Variants in CSMD3 observed in about 807,000 individuals in gnomAD.
CSMD3 encodes the protein CUB and sushi domain-containing protein 3.
Under a neutral mutation model 435.2 loss-of-function variants are expected in CSMD3, and 177 were observed. The ratio of observed to expected loss-of-function variants is 0.41; its 90% confidence interval spans 0.36 to 0.46. CSMD3 has a LOEUF of 0.46. Among genes scored for constraint, CSMD3 ranks in the 20% least tolerant of loss-of-function variants. The pLI is 0.34. For missense variants in CSMD3, 4,265 were observed against 4,504.6 expected (o/e 0.95, Z 1.52); for synonymous variants, 1,656 against 1,520.5 (o/e 1.09, Z -2.07).
chr8:113,105,318 C>T (rs1441433452), intron 4 of CSMD3, among the ~76,000 whole-genome samples: 4 of 151,900 alleles, frequency 2.6e-5, no homozygotes, highest in African/African-American at 7.3e-5. Context: ...AGATACATTC[C>T]GGACCATAGA....
intron 59 of CSMD3, among the ~76,000 whole-genome samples, chr8:112,268,779 T>C (rs147522737): frequency 6.6e-6 from 1 of 151,952 alleles, no homozygotes; most frequent in Non-Finnish European, 1.5e-5. Flanking sequence ...AGTTCTACTG[T>C]AGCAAAATGA....
intron 45 of CSMD3, among the ~76,000 whole-genome samples, chr8:112,324,952 C>T (rs190741516): frequency 7.9e-5 from 12 of 152,136 alleles, no homozygotes; most frequent in East Asian, 5.8e-4. Flanking sequence ...AAATGACTTA[C>T]GCATTAAATT....
At chr8:112,802,992 T>C (rs2078995117) in intron 12 of CSMD3, among the ~76,000 whole-genome samples, 1 of 152,138 alleles carries the variant, frequency 6.6e-6, no homozygotes, top group South Asian at 2.1e-4. Flanking sequence ...AAACAGCTAA[T>C]ATCTCTGTCA....
intron 13 of CSMD3, among the ~76,000 whole-genome samples, chr8:112,716,656 T>C (rs2076735705): frequency 6.6e-6 from 1 of 152,138 alleles, no homozygotes; most frequent in Non-Finnish European, 1.5e-5. Flanking sequence ...GGAGGTATCA[T>C]GCTACCTGGC....
chr8:113,319,874 C>T (rs2093937406), intron 1 of CSMD3, among the ~76,000 whole-genome samples: 1 of 151,972 alleles, frequency 6.6e-6, no homozygotes. Context: ...TCTACAATTC[C>T]TTATTGTTCT....
intron 5 of CSMD3, among the ~76,000 whole-genome samples, chr8:113,045,046 A>G (rs927903925): frequency 6.7e-6 from 1 of 149,084 alleles, no homozygotes; most frequent in African/African-American, 2.4e-5. Flanking sequence ...TATTGCCTCT[A>G]TTTTATGTGC....
intron 11 of CSMD3, among the ~76,000 whole-genome samples, chr8:112,844,711 A>G (rs1459431829): frequency 6.6e-6 from 1 of 151,914 alleles, no homozygotes; most frequent in Non-Finnish European, 1.5e-5. Flanking sequence ...GACCAGATAC[A>G]TATCTTGTTT....
At chr8:112,345,918 G>A (rs1006760914) in intron 41 of CSMD3, among the ~76,000 whole-genome samples, 179 bp downstream of exon 41, 4 of 151,970 alleles carry the variant, frequency 2.6e-5, no homozygotes, top group Admixed American at 2.6e-4. Context: ...CAAGTGAAAT[G>A]TATTTGACTT....
At chr8:113,113,841 G>A (rs1193118156) in intron 4 of CSMD3, among the ~76,000 whole-genome samples, 1 of 152,084 alleles carries the variant, frequency 6.6e-6, no homozygotes, top group Non-Finnish European at 1.5e-5. Flanking sequence ...ACAATTTTTG[G>A]AAAAGATAAT....
intron 5 of CSMD3, among the ~76,000 whole-genome samples, chr8:113,046,122 C>A (rs963160446): frequency 2.0e-5 from 3 of 149,142 alleles, no homozygotes; most frequent in Non-Finnish European, 4.5e-5. Flanking sequence ...CTGGCAAGCG[C>A]TTCCACTATT....
intron 11 of CSMD3, among the ~76,000 whole-genome samples, chr8:112,830,176 C>T (rs879712680): frequency 0.021 from 3,218 of 152,196 alleles, 54 homozygotes; most frequent in Middle Eastern, 0.045. Context: ...TGGTTTTCCA[C>T]ATATTTGCAT....
intron 32 of CSMD3, among the ~76,000 whole-genome samples, chr8:112,418,454 A>G (rs1289355890): frequency 6.6e-6 from 1 of 152,122 alleles, no homozygotes; most frequent in Non-Finnish European, 1.5e-5. Context: ...TCCATACTGT[A>G]TACTCTGAAC....
intron 4 of CSMD3, among the ~76,000 whole-genome samples, chr8:113,152,894 C>T (rs890186114): frequency 6.6e-6 from 1 of 151,458 alleles, no homozygotes; most frequent in African/African-American, 2.4e-5. Context: ...TCATTTGAAC[C>T]CAGGAGGCAG....
chr8:112,630,906 G>GTTGAGAA (rs2074495337), intron 22 of CSMD3, among the ~76,000 whole-genome samples: 2 of 148,326 alleles, frequency 1.3e-5, no homozygotes, highest in Non-Finnish European at 3.0e-5. Context: ...TTTTGAGATG[G>GTTGAGAA]TTGAGAATTA....
chr8:113,047,984 C>T (rs1302001543), intron 5 of CSMD3, among the ~76,000 whole-genome samples: 1 of 150,742 alleles, frequency 6.6e-6, no homozygotes. Context: ...CCTAGCGTAC[C>T]AAAGAGGAAA....
intron 11 of CSMD3, among the ~76,000 whole-genome samples, chr8:112,846,281 C>A: frequency 7.0e-6 from 1 of 142,406 alleles, no homozygotes. Context: ...TTCTTTCTTT[C>A]CTTCTCTCTC....
chr8:113,319,534 C>T (rs2093934793), intron 1 of CSMD3, among the ~76,000 whole-genome samples: 1 of 151,610 alleles, frequency 6.6e-6, no homozygotes, highest in Admixed American at 6.6e-5. Context: ...TGATTGTTTC[C>T]TTTATTGTTC....
intron 47 of CSMD3, among the ~76,000 whole-genome samples, chr8:112,314,966 T>C (rs1430821486): frequency 1.3e-5 from 2 of 151,924 alleles, no homozygotes; most frequent in Non-Finnish European, 2.9e-5. Context: ...CTTATCTATG[T>C]CCTTGCTTTA....
intron 40 of CSMD3, among the ~76,000 whole-genome samples, chr8:112,347,435 C>A (rs185747653): frequency 1.3e-5 from 2 of 152,230 alleles, no homozygotes; most frequent in East Asian, 3.9e-4. Context: ...CACACAGATA[C>A]TCAAATCTCA....
Sources: allele counts gnomAD v4.1 joint callset (sites outside exome capture counted in the v4.1 genomes callset), GRCh38; gene constraint gnomAD v4.1.1; transcripts MANE v1.5; gene names NCBI Gene and HGNC (gene_info 2026-07-23, HGNC 2026-07-21).